USP34: variants seen among roughly 807,000 people sequenced by gnomAD.
The protein encoded by USP34 is ubiquitin carboxyl-terminal hydrolase 34.
Under a neutral mutation model 460.3 loss-of-function variants are expected in USP34, and 70 were observed. The ratio of observed to expected loss-of-function variants is 0.15; its 90% CI spans 0.13 to 0.19. USP34 has a LOEUF of 0.19. Among genes scored for constraint, USP34 ranks in the 10% least tolerant of loss-of-function variants. USP34 has a pLI of 1.00. For synonymous variants in USP34, 1,647 were observed against 1,405.3 expected (o/e 1.17, Z -3.85); for missense variants, 3,985 against 4,236.2 (o/e 0.94, Z 1.65).
chr2:61,435,758 G>C (rs1694795080), intron 1 of USP34, among the ~76,000 whole-genome samples: 1 of 152,216 alleles, frequency 6.6e-6, no homozygotes, highest in Admixed American at 6.5e-5. Context: ...GCCATGCGCA[G>C]TGGCTCATGC....
intron 66 of USP34, 67 bp downstream of exon 66, chr2:61,221,435 G>C: frequency 7.2e-7 from 1 of 1,389,906 alleles, no homozygotes; most frequent in South Asian, 1.4e-5. Flanking sequence ...TAAAATGGTA[G>C]TGACTATATT....
At chr2:61,251,945 A>C (rs1688595633) in intron 48 of USP34, among the ~76,000 whole-genome samples, 1 of 151,968 alleles carries the variant, frequency 6.6e-6, no homozygotes, top group Non-Finnish European at 1.5e-5. Context: ...TTCGGTTGTT[A>C]AATAAACATT....
chr2:61,223,393 T>A, intron 62 of USP34, 97 bp from the exon 63 acceptor site: 1 of 1,234,246 alleles, frequency 8.1e-7, no homozygotes, highest in Non-Finnish European at 1.1e-6. Flanking sequence ...TCAATTATAA[T>A]TGTATTAACC....
At chr2:61,272,283 C>T (rs1689238259) in intron 41 of USP34, among the ~76,000 whole-genome samples, 1 of 151,842 alleles carries the variant, frequency 6.6e-6, no homozygotes, top group African/African-American at 2.4e-5. Flanking sequence ...TGGTGGCGGG[C>T]ACCTGTAGTC....
chr2:61,384,299 G>GT (rs1491476741), intron 5 of USP34, among the ~76,000 whole-genome samples: 1 of 152,064 alleles, frequency 6.6e-6, no homozygotes, highest in African/African-American at 2.4e-5. Flanking sequence ...TTCAAAAATA[G>GT]TAAGAATAAA....
chr2:61,355,052 G>C (rs1465351439), intron 10 of USP34, among the ~76,000 whole-genome samples: 2 of 152,200 alleles, frequency 1.3e-5, no homozygotes, highest in Non-Finnish European at 2.9e-5. Flanking sequence ...GAAAGGGACA[G>C]CAGCAATGAA....
intron 1 of USP34, among the ~76,000 whole-genome samples, chr2:61,439,210 G>A (rs1054579600): frequency 1.3e-5 from 2 of 152,112 alleles, no homozygotes; most frequent in African/African-American, 2.4e-5. Flanking sequence ...TCAGCAGTTC[G>A]AAACCAGCCT....
intron 8 of USP34, among the ~76,000 whole-genome samples, chr2:61,371,080 T>C (rs868731184): frequency 6.6e-6 from 1 of 152,198 alleles, no homozygotes; most frequent in Non-Finnish European, 1.5e-5. Flanking sequence ...CAGACAGTCA[T>C]GTACTGCATA....
At chr2:61,417,788 C>A (rs1694241169) in intron 2 of USP34, among the ~76,000 whole-genome samples, 1 of 123,718 alleles carries the variant, frequency 8.1e-6, no homozygotes, top group African/African-American at 3.2e-5. Context: ...TATCCCCAGG[C>A]TGGAGTACAG....
chr2:61,228,027 T>C (rs1007304580), intron 61 of USP34, among the ~76,000 whole-genome samples: 17 of 152,214 alleles, frequency 1.1e-4, no homozygotes, highest in African/African-American at 3.6e-4. Flanking sequence ...TGTGAAGCAT[T>C]ACAAAACAGT....
At chr2:61,414,578 G>C (rs1477251723) in intron 2 of USP34, among the ~76,000 whole-genome samples, 2 of 152,196 alleles carry the variant, frequency 1.3e-5, no homozygotes, top group African/African-American at 4.8e-5. Flanking sequence ...TCCAAGATAG[G>C]AGATGTTACC....
At chr2:61,388,109 G>A (rs1693223221) in intron 5 of USP34, among the ~76,000 whole-genome samples, 3 of 151,976 alleles carry the variant, frequency 2.0e-5, no homozygotes. Context: ...CTGCTTAGCG[G>A]GGCATGGTGG....
intron 8 of USP34, among the ~76,000 whole-genome samples, chr2:61,371,667 G>A (rs190050719): frequency 6.6e-6 from 1 of 152,204 alleles, no homozygotes; most frequent in Non-Finnish European, 1.5e-5. Context: ...TAAGTGTACA[G>A]TGCTTACAAA....
chr2:61,211,507 A>G (rs1687271876), intron 69 of USP34, among the ~76,000 whole-genome samples: 1 of 152,218 alleles, frequency 6.6e-6, no homozygotes, highest in Non-Finnish European at 1.5e-5. Context: ...GTTAGGATAA[A>G]TTGCCATAAA....
At chr2:61,334,652 CAT>C (rs1329697305) in intron 18 of USP34, among the ~76,000 whole-genome samples, 1 of 152,046 alleles carries the variant, frequency 6.6e-6, no homozygotes, top group Non-Finnish European at 1.5e-5. Context: ...CTTCAATAAA[CAT>C]GTTTTCATTT....
chr2:61,442,898 T>TGTAC (rs151201847), intron 1 of USP34, among the ~76,000 whole-genome samples: 1 of 147,202 alleles, frequency 6.8e-6, no homozygotes, highest in African/African-American at 2.5e-5. Context: ...GTGATGTGTG[T>TGTAC]ACACACACAC....
At chr2:61,420,975 T>G (rs1488267868) in intron 1 of USP34, 142 bp from the exon 2 acceptor site, 1 of 588,816 alleles carries the variant, frequency 1.7e-6, no homozygotes, top group African/African-American at 1.9e-5. Context: ...AGTCTACTTT[T>G]AATTAATAAC....
chr2:61,446,280 C>A (rs1237090306), intron 1 of USP34, among the ~76,000 whole-genome samples: 2 of 152,030 alleles, frequency 1.3e-5, no homozygotes, highest in African/African-American at 4.8e-5. Flanking sequence ...TAGAAGATGG[C>A]TGTATCCTTC....
At chr2:61,387,155 A>G (rs1693172196) in intron 5 of USP34, among the ~76,000 whole-genome samples, 2 of 152,094 alleles carry the variant, frequency 1.3e-5, no homozygotes, top group Admixed American at 6.6e-5. Flanking sequence ...GCTGATTCTC[A>G]TTAGTCGTTA....
Sources: gnomAD v4.1 joint callset for allele counts (sites outside exome capture counted in the v4.1 genomes callset) on GRCh38, gnomAD v4.1.1 for gene constraint, MANE v1.5 for transcripts, NCBI Gene and HGNC (gene_info 2026-07-23, HGNC 2026-07-21) for gene names.